The following SNTG2 variants were observed in gnomAD, a reference collection of about 807,000 sequenced individuals.
SNTG2 encodes gamma-2-syntrophin.
SNTG2 carries 74 observed loss-of-function variants against 70.9 expected under a neutral mutation model. That is an observed-to-expected ratio of 1.04 (90% CI 0.86 to 1.27). SNTG2 has a LOEUF of 1.27. SNTG2 is among the 50% of genes most tolerant of loss of function. The pLI is 0.00. For synonymous variants in SNTG2, 278 were observed against 273.8 expected (o/e 1.02, Z -0.15); for missense variants, 717 against 690.7 (o/e 1.04, Z -0.43).
chr2:1,105,590 C>T (rs73172926), intron 4 of SNTG2, among the ~76,000 whole-genome samples: 20,464 of 152,122 alleles, frequency 0.13, 1,487 homozygotes, highest in Admixed American at 0.16. Context: ...TTGGATTTGA[C>T]ACCGTTCTAT....
chr2:1,259,515 T>C (rs1227046312), intron 13 of SNTG2, 74 bp downstream of exon 13: 5 of 1,250,602 alleles, frequency 4.0e-6, no homozygotes, highest in Non-Finnish European at 5.9e-6. Context: ...GAGAGGATTG[T>C]TTGTTCTGCG....
rs557267168 is a variant in SNTG2 at position 1,251,100 on chromosome 2, G to A, written c.1005+3657G>A. Reference sequence around the variant, plus strand: ...CCTTGTAAAGGGTCAGCGAGGACCCGAATGAGCCTAGAGAGTAATTCTCAA... The same window carrying A: ...CCTTGTAAAGGGTCAGCGAGGACCCAAATGAGCCTAGAGAGTAATTCTCAA... On this transcript the variant is annotated intron_variant, in intron 12 of 16. Coordinates refer to ENST00000308624, the MANE Select transcript of SNTG2 (RefSeq NM_018968.4). Among the ~76,000 whole-genome samples, 13 of 152,282 alleles carry A rather than the reference G, an allele frequency of 8.5e-5. No homozygotes were observed. In the East Asian group the frequency reaches 1.9e-3, roughly 23 times the overall value.
intron 14 of SNTG2, among the ~76,000 whole-genome samples, chr2:1,268,011 G>A (rs1415359970): frequency 6.6e-6 from 1 of 152,222 alleles, no homozygotes; most frequent in Non-Finnish European, 1.5e-5. Context: ...AAACTTGATG[G>A]TCCGAAGGAG....
intron 1 of SNTG2, among the ~76,000 whole-genome samples, chr2:974,882 T>C (rs982340556): frequency 3.9e-5 from 6 of 152,226 alleles, no homozygotes; most frequent in Non-Finnish European, 8.8e-5. Context: ...TCTCATGGCT[T>C]TATGTATTCT....
intron 16 of SNTG2, among the ~76,000 whole-genome samples, chr2:1,364,044 C>T (rs1430100083): frequency 6.6e-6 from 1 of 152,172 alleles, no homozygotes; most frequent in East Asian, 1.9e-4. Flanking sequence ...AATCTCGGCT[C>T]ACTGCAACTT....
intron 1 of SNTG2, among the ~76,000 whole-genome samples, chr2:978,756 A>C (rs1277778536): frequency 1.3e-5 from 2 of 152,206 alleles, no homozygotes; most frequent in African/African-American, 4.8e-5. Flanking sequence ...GGAGTTCTGA[A>C]ATTCTGAGTA....
intron 2 of SNTG2, among the ~76,000 whole-genome samples, chr2:1,094,988 G>A (rs2148202606): frequency 6.6e-6 from 1 of 150,750 alleles, no homozygotes; most frequent in Non-Finnish European, 1.5e-5. Flanking sequence ...ACTGGCAAGG[G>A]CCAGCTTCCT....
At chr2:1,063,796 A>C (rs1662976463) in intron 1 of SNTG2, among the ~76,000 whole-genome samples, 2 of 152,178 alleles carry the variant, frequency 1.3e-5, no homozygotes, top group African/African-American at 4.8e-5. Context: ...AATAAAGAAA[A>C]AACTTTCACA....
At chr2:1,300,405 G>C (rs1680409668) in intron 14 of SNTG2, among the ~76,000 whole-genome samples, 1 of 152,182 alleles carries the variant, frequency 6.6e-6, no homozygotes, top group South Asian at 2.1e-4. Flanking sequence ...GCCTCCCGGG[G>C]CTCACTGACC....
chr2:1,197,868 G>A (rs1462927992), intron 8 of SNTG2, among the ~76,000 whole-genome samples: 3 of 152,064 alleles, frequency 2.0e-5, no homozygotes, highest in Non-Finnish European at 4.4e-5. Flanking sequence ...CTATTTATTA[G>A]TTCTAAATAA....
rs549231275 is a variant in SNTG2, at chr2:1,004,453, A to C, written c.72+53385A>C. On this transcript the variant is annotated intron_variant, in intron 1 of 16. Coordinates refer to ENST00000308624, the MANE Select transcript of SNTG2 (RefSeq NM_018968.4). ...TAAATGGCTTGTACACAGGATATAC[A>C]AAGAACTAAAACTCAACTACAAAAC... 3.3e-5 allele frequency among the ~76,000 whole-genome samples: 5 copies of C among 152,364 alleles called. No homozygotes were observed. In the South Asian group the frequency reaches 6.2e-4, roughly 19 times the overall value.
At chr2:1,272,127 A>C (rs1007457558) in intron 14 of SNTG2, among the ~76,000 whole-genome samples, 1 of 152,090 alleles carries the variant, frequency 6.6e-6, no homozygotes, top group East Asian at 1.9e-4. Flanking sequence ...TTTATTGTGC[A>C]CTTTATTTCT....
chr2:1,026,659 T>C (rs746569359), intron 1 of SNTG2, among the ~76,000 whole-genome samples: 8 of 152,168 alleles, frequency 5.3e-5, no homozygotes, highest in Admixed American at 6.5e-5. Context: ...CGAGTAGCCT[T>C]GTGCATGGAA....
At chr2:1,058,324 G>A (rs576739420) in intron 1 of SNTG2, among the ~76,000 whole-genome samples, 1 of 152,290 alleles carries the variant, frequency 6.6e-6, no homozygotes, top group East Asian at 1.9e-4. Flanking sequence ...AGGCAGAGTA[G>A]GCATTGGATT....
intron 9 of SNTG2, among the ~76,000 whole-genome samples, chr2:1,226,896 T>C (rs1675825590): frequency 6.6e-6 from 1 of 152,238 alleles, no homozygotes; most frequent in South Asian, 2.1e-4. Flanking sequence ...AGTGAACTCT[T>C]AAAATGTGTT....
chr2:964,700 G>A (rs1660467567), intron 1 of SNTG2, among the ~76,000 whole-genome samples: 1 of 152,168 alleles, frequency 6.6e-6, no homozygotes, highest in Non-Finnish European at 1.5e-5. Flanking sequence ...TCGAGACACG[G>A]GGAGCTCTGG....
chr2:1,003,837 T>C (rs1367349384), intron 1 of SNTG2, among the ~76,000 whole-genome samples: 1 of 152,234 alleles, frequency 6.6e-6, no homozygotes, highest in Non-Finnish European at 1.5e-5. Flanking sequence ...TGTAACATTG[T>C]TGAAACATCA....
At chr2:1,284,097 G>A (rs1679670655) in intron 14 of SNTG2, among the ~76,000 whole-genome samples, 1 of 152,174 alleles carries the variant, frequency 6.6e-6, no homozygotes, top group South Asian at 2.1e-4. Flanking sequence ...AAAGATGCTG[G>A]AGTAGGGAGC....
chr2:1,122,722 C>CAAAAA, intron 4 of SNTG2, among the ~76,000 whole-genome samples: 1 of 121,948 alleles, frequency 8.2e-6, no homozygotes, highest in Non-Finnish European at 1.9e-5. Context: ...AGCAATCAGA[C>CAAAAA]AAAAAAAAAA....
Sources: gnomAD v4.1 joint callset for allele counts (sites outside exome capture counted in the v4.1 genomes callset) on GRCh38, gnomAD v4.1.1 for gene constraint, MANE v1.5 for transcripts, NCBI Gene and HGNC (gene_info 2026-07-23, HGNC 2026-07-21) for gene names.